Variants in PIK3C2G observed in about 807,000 individuals in gnomAD.
PIK3C2G encodes phosphatidylinositol 3-kinase C2 domain-containing subunit gamma.
A neutral mutation model predicts 181.1 loss-of-function variants in PIK3C2G; 168 were observed. The observed-to-expected ratio is 0.93, with a 90% CI of 0.82 to 1.05. PIK3C2G has a LOEUF of 1.05. PIK3C2G is among the 50% of genes least tolerant of loss of function. The probability of loss-of-function intolerance (pLI) is 0.00; values close to 1 mark genes in which losing one functional copy is unlikely to be tolerated. For synonymous variants in PIK3C2G, 573 were observed against 592.2 expected (o/e 0.97, Z 0.47); for missense variants, 1,869 against 1,732.8 (o/e 1.08, Z -1.40).
At chr12:18,255,213 T>G (rs892670358) in intron 1 of PIK3C2G, among the ~76,000 whole-genome samples, 9 of 67,722 alleles carry the variant, frequency 1.3e-4, no homozygotes, top group Admixed American at 8.6e-4. Flanking sequence ...AAACTCCGTC[T>G]CAAAAATAAA....
At chr12:18,705,882 A>G in the PIK3C2G span, among the ~76,000 whole-genome samples, 1 of 151,084 alleles carries the variant, frequency 6.6e-6, no homozygotes, top group Non-Finnish European at 1.5e-5. Context: ...AACAATAATA[A>G]TAATAAATAA....
intron 12 of PIK3C2G, among the ~76,000 whole-genome samples, chr12:18,364,476 C>T (rs1424450475): frequency 2.0e-5 from 3 of 152,040 alleles, no homozygotes; most frequent in Admixed American, 2.0e-4. Context: ...ATGCTCCTAC[C>T]GAATAATACA....
intron 31 of PIK3C2G, among the ~76,000 whole-genome samples, chr12:18,623,042 A>C (rs1160272280): frequency 1.3e-5 from 2 of 151,720 alleles, no homozygotes; most frequent in Non-Finnish European, 3.0e-5. Flanking sequence ...GAAGCTTTTC[A>C]TTTTGATGTA....
At chr12:18,256,573 G>A (rs561432184), upstream of PIK3C2G, among the ~76,000 whole-genome samples, 4 of 152,128 alleles carry the variant, frequency 2.6e-5, no homozygotes, top group East Asian at 5.8e-4. Context: ...TTTACTGCCG[G>A]CCCTCCTTTT....
At position 18,391,387 on chromosome 12, in the gene PIK3C2G, C is replaced by T. The variant is rs1009068838; in HGVS notation, c.2126+135C>T. On this transcript the variant is annotated intron_variant, in intron 15 of 32. Transcript: ENST00000538779. ...GGTTTCATTTCCTGATGTCATGCTT[C>T]TTGGATGGTTAATTAATGTTTAGGA... 1.1e-5 allele frequency: 6 copies of T among 546,108 alleles called. No individual in the cohort carries two copies. In the Admixed American group the frequency reaches 2.3e-4, roughly 21 times the overall value. 33.8% of individuals were successfully genotyped at this position (546,108 alleles called of 1,614,324 possible).
At chr12:18,710,857 T>C in the PIK3C2G span, among the ~76,000 whole-genome samples, 3 of 152,116 alleles carry the variant, frequency 2.0e-5, no homozygotes, top group Non-Finnish European at 4.4e-5. Flanking sequence ...CCAGTTAGAA[T>C]GGCGATCATT....
intron 1 of PIK3C2G, among the ~76,000 whole-genome samples, chr12:18,254,921 G>T (rs1948128934): frequency 6.6e-6 from 1 of 151,276 alleles, no homozygotes; most frequent in Non-Finnish European, 1.5e-5. Flanking sequence ...TTTAAAAAAA[G>T]AAAGAGGCCT....
chr12:18,650,690 GTGTGTGTGTGTGTGTATATATC>G (rs1565602248), downstream of PIK3C2G, among the ~76,000 whole-genome samples: 19 of 38,936 alleles, frequency 4.9e-4, no homozygotes, highest in East Asian at 0.012. Context: ...GTGTGTGTGT[GTGTGTGTGTGTGTGTATATATC>G]TATATATATA....
chr12:18,350,259 A>G (rs1940096576), intron 11 of PIK3C2G, among the ~76,000 whole-genome samples: 1 of 152,128 alleles, frequency 6.6e-6, no homozygotes, highest in South Asian at 2.1e-4. Flanking sequence ...GCAGAATCAT[A>G]TTGTTATATG....
At chr12:18,283,223 G>C (rs761191825) in intron 2 of PIK3C2G, among the ~76,000 whole-genome samples, 1 of 151,924 alleles carries the variant, frequency 6.6e-6, no homozygotes, top group Non-Finnish European at 1.5e-5. Flanking sequence ...TAATTTATAC[G>C]ATTGGCAGGC....
At chr12:18,636,497 C>G (rs1294112831) in intron 31 of PIK3C2G, among the ~76,000 whole-genome samples, 1 of 152,152 alleles carries the variant, frequency 6.6e-6, no homozygotes, top group Non-Finnish European at 1.5e-5. Flanking sequence ...TCCCAAAGTG[C>G]TGGGATTACA....
At chr12:18,252,585 G>T (rs959220508) in intron 1 of PIK3C2G, among the ~76,000 whole-genome samples, 2 of 152,174 alleles carry the variant, frequency 1.3e-5, no homozygotes, top group Non-Finnish European at 2.9e-5. Flanking sequence ...TGAAGAAGTG[G>T]CTAGTCGTGC....
At chr12:18,585,485 A>G (rs964317346) in intron 29 of PIK3C2G, among the ~76,000 whole-genome samples, 2 of 152,210 alleles carry the variant, frequency 1.3e-5, no homozygotes, top group Non-Finnish European at 2.9e-5. Flanking sequence ...ATTGAATTCA[A>G]CAAGAAGACT....
Position 18,331,517 on chromosome 12 carries a change from T to C in PIK3C2G, c.1272+6419T>C, listed in dbSNP as rs549085650. The stretch of plus-strand genomic sequence containing the variant: ...ACTTTCATATATTGACCTTCTATAC[T>C]ATGTCTTCTTGAAATCACTTTTTAT... On this transcript the variant is annotated intron_variant, in intron 8 of 32. Transcript: ENST00000538779. 5.9e-5 allele frequency among the ~76,000 whole-genome samples: 9 copies of C among 152,254 alleles called. No individual in the cohort carries two copies. The East Asian group carries it at 1.7e-3, about 29-fold the overall frequency.
At chr12:18,548,731 T>C (rs938884024) in intron 26 of PIK3C2G, among the ~76,000 whole-genome samples, 5 of 152,048 alleles carry the variant, frequency 3.3e-5, no homozygotes, top group African/African-American at 1.2e-4. Flanking sequence ...TCTATGACTT[T>C]GGAATAAAGA....
At chr12:18,271,094 C>T (rs2137053453) in intron 1 of PIK3C2G, among the ~76,000 whole-genome samples, 1 of 152,188 alleles carries the variant, frequency 6.6e-6, no homozygotes, top group East Asian at 1.9e-4. Context: ...GCCCCTCATA[C>T]CAAGGAATAG....
At chr12:18,717,136 T>G in the PIK3C2G span, among the ~76,000 whole-genome samples, 1 of 152,166 alleles carries the variant, frequency 6.6e-6, no homozygotes, top group East Asian at 1.9e-4. Context: ...CAATTAAATT[T>G]AAGTGTAAAT....
chr12:18,649,327 C>T (rs1950319510), downstream of PIK3C2G, among the ~76,000 whole-genome samples: 1 of 152,082 alleles, frequency 6.6e-6, no homozygotes, highest in Non-Finnish European at 1.5e-5. Context: ...CAGAGAAGAA[C>T]TACCCATGCT....
chr12:18,643,914 C>T (rs1056885729), intron 32 of PIK3C2G, among the ~76,000 whole-genome samples: 2 of 152,186 alleles, frequency 1.3e-5, no homozygotes, highest in African/African-American at 4.8e-5. Flanking sequence ...AGGATGACCT[C>T]ACTCTCCTCT....
Sources: gnomAD v4.1 joint callset for allele counts (sites outside exome capture counted in the v4.1 genomes callset) on GRCh38, gnomAD v4.1.1 for gene constraint, MANE v1.5 for transcripts, NCBI Gene and HGNC (gene_info 2026-07-23, HGNC 2026-07-21) for gene names.